Variants in TNNI3K observed in about 807,000 individuals in gnomAD.
TNNI3K encodes TNNI3 interacting kinase.
A neutral mutation model predicts 114.5 loss-of-function variants in TNNI3K; 140 were observed. The observed-to-expected ratio is 1.22, with a 90% CI of 1.07 to 1.41. The LOEUF (loss-of-function observed/expected upper bound fraction) is 1.41, where lower values mean the gene tolerates loss of function less well. Among genes scored for constraint, TNNI3K ranks in the 40% most tolerant of loss-of-function variants. The probability of loss-of-function intolerance (pLI) is 0.00; values close to 1 mark genes in which losing one functional copy is unlikely to be tolerated. For missense variants in TNNI3K, 1,125 were observed against 1,007.6 expected (o/e 1.12, Z -1.58); for synonymous variants, 347 against 347.5 (o/e 1.00, Z 0.02).
At chr1:74,475,578 T>C in intron 21 of TNNI3K, 2 of 717,424 alleles carry the variant, frequency 2.8e-6, no homozygotes, top group Non-Finnish European at 5.2e-6. Flanking sequence ...TATTTTCCTG[T>C]AAAAGTGGCA....
intron 6 of TNNI3K, among the ~76,000 whole-genome samples, chr1:74,333,465 T>C (rs1267461650): frequency 2.0e-5 from 3 of 152,184 alleles, no homozygotes; most frequent in Non-Finnish European, 4.4e-5. Flanking sequence ...ACGATTAACC[T>C]CATCACCCAG....
chr1:74,459,919 A>G (rs1667376993), intron 20 of TNNI3K, among the ~76,000 whole-genome samples: 1 of 152,188 alleles, frequency 6.6e-6, no homozygotes, highest in Non-Finnish European at 1.5e-5. Context: ...AGTGCAAGCT[A>G]TGCTCTAGAA....
Position 74,301,273 on chromosome 1 carries a change from G to T in TNNI3K, c.444+29565G>T, listed in dbSNP as rs183160309. Among the ~76,000 whole-genome samples, 67 of 152,030 alleles carry T rather than the reference G, an allele frequency of 4.4e-4. 1 individual carries two copies. Among genetic ancestry groups the T allele is most frequent in the African/African-American group, 1.5e-3 (63 of 41,468 alleles). ...AACTTAGCCAGGCGTGGTGGTGCAC[G>T]CCAATAGTCCCAGCTACTAGGGAGG... is the stretch of plus-strand genomic sequence containing the variant. On this transcript the variant is annotated intron_variant, in intron 5 of 24. Coordinates refer to ENST00000326637, the MANE Select transcript of TNNI3K (RefSeq NM_015978.3).
At chr1:74,371,366 G>A (rs1008725170) in intron 17 of TNNI3K, 1 of 151,766 alleles carries the variant, frequency 6.6e-6, no homozygotes, top group Admixed American at 6.6e-5. Flanking sequence ...CACACTCTAT[G>A]TAGAGGAGAA....
chr1:74,470,236 G>C (rs1185247582), intron 21 of TNNI3K: 8 of 400,546 alleles, frequency 2.0e-5, no homozygotes, highest in African/African-American at 1.4e-4. Context: ...GGCAGAGCTT[G>C]CATCATGTAA....
chr1:74,348,358 T>G lies in TNNI3K; in HGVS notation c.933-4908T>G, dbSNP rs577406293. ...CTCTGTTCTGTTCCATTGGTCTATA[T>G]CTCTGTTTTGGTAGCAGTACCATGC... is the stretch of plus-strand genomic sequence containing the variant. On this transcript the variant is annotated intron_variant, in intron 9 of 24. Coordinates refer to ENST00000326637, the MANE Select transcript of TNNI3K (RefSeq NM_015978.3). Among the ~76,000 whole-genome samples the G allele has an allele frequency of 1.4e-3, 211 of 152,302 alleles. 6 individuals carry two copies. The South Asian group carries it at 0.042, about 30-fold the overall frequency.
At chr1:74,535,458 G>A (rs1288207337) in intron 23 of TNNI3K, among the ~76,000 whole-genome samples, 3 of 151,914 alleles carry the variant, frequency 2.0e-5, no homozygotes, top group Non-Finnish European at 2.9e-5. Context: ...TGACTGAGAG[G>A]GACCGTGTCT....
chr1:74,373,594 A>G (rs1662724366), intron 17 of TNNI3K: 2 of 151,886 alleles, frequency 1.3e-5, no homozygotes, highest in South Asian at 4.1e-4. Context: ...TGTCTAATTA[A>G]TATTTTTTAA....
At chr1:74,424,863 C>G (rs1054865225) in intron 17 of TNNI3K, among the ~76,000 whole-genome samples, 1 of 151,804 alleles carries the variant, frequency 6.6e-6, no homozygotes, top group Non-Finnish European at 1.5e-5. Flanking sequence ...TTGTAGGGGA[C>G]AAATGATACA....
At chr1:74,480,776 G>T (rs760426750) in intron 21 of TNNI3K, 14 of 717,420 alleles carry the variant, frequency 2.0e-5, no homozygotes, top group Middle Eastern at 2.3e-4. Context: ...CGAAGAGCTG[G>T]ATATTTGGTT....
In TNNI3K at chr1:74,411,957, A is replaced by AT. The variant is rs201611273; in HGVS notation, c.1773-24123_1773-24122insT. On this transcript the variant is annotated intron_variant, in intron 17 of 24. Transcript: ENST00000326637. The stretch of plus-strand genomic sequence containing the variant: ...GTTATTAAGAAATATAAAATAAAAT[A>AT]GTTTACATATTGTTCAATACATAGT... Among the ~76,000 whole-genome samples the AT allele has an allele frequency of 8.6e-3, 1,305 of 152,290 alleles. 16 individuals are homozygous for AT. Among genetic ancestry groups the AT allele is most frequent in the African/African-American group, 0.03 (1,231 of 41,558 alleles).
intron 17 of TNNI3K, chr1:74,372,374 T>C (rs1662661681): frequency 6.6e-6 from 1 of 151,806 alleles, no homozygotes; most frequent in South Asian, 2.1e-4. Context: ...ATTTTTCTCT[T>C]CTCAGATAGA....
intron 5 of TNNI3K, among the ~76,000 whole-genome samples, chr1:74,281,534 A>G (rs1657016565): frequency 6.6e-6 from 1 of 152,156 alleles, no homozygotes; most frequent in Non-Finnish European, 1.5e-5. Flanking sequence ...TAACTTAGGG[A>G]AATTTAATGT....
At chr1:74,384,041 G>A (rs1044589056) in intron 17 of TNNI3K, among the ~76,000 whole-genome samples, 11 of 151,834 alleles carry the variant, frequency 7.2e-5, no homozygotes, top group African/African-American at 2.4e-4. Context: ...CCAAAATATA[G>A]GGATGTATAG....
chr1:74,502,183 T>G (rs1669667668), intron 23 of TNNI3K, among the ~76,000 whole-genome samples: 1 of 152,168 alleles, frequency 6.6e-6, no homozygotes, highest in African/African-American at 2.4e-5. Flanking sequence ...GAAAATCGTT[T>G]TCTTTTATAT....
chr1:74,259,381 T>G (rs970739947), intron 4 of TNNI3K, among the ~76,000 whole-genome samples: 2 of 152,130 alleles, frequency 1.3e-5, no homozygotes, highest in African/African-American at 4.8e-5. Context: ...TCAGCTGAAA[T>G]AAAAACAAAT....
At chr1:74,362,437 C>A (rs114879680) in intron 11 of TNNI3K, among the ~76,000 whole-genome samples, 3 of 152,022 alleles carry the variant, frequency 2.0e-5, no homozygotes, top group Non-Finnish European at 4.4e-5. Context: ...CTCTGAGTCA[C>A]CAAATCATGG....
chr1:74,496,410 T>C (rs1021399184), intron 23 of TNNI3K, among the ~76,000 whole-genome samples: 1 of 152,172 alleles, frequency 6.6e-6, no homozygotes, highest in Non-Finnish European at 1.5e-5. Flanking sequence ...TTTTTTAGTA[T>C]AGCATTATGA....
Position 74,367,966 on chromosome 1 carries a change from T to C in TNNI3K, c.1321+2T>C, listed in dbSNP as rs764867357. 6.4e-7 allele frequency: 1 copy of C among 1,560,570 alleles called. No individual in the cohort carries two copies. Among genetic ancestry groups the C allele is most frequent in the Non-Finnish European group, 8.6e-7 (1 of 1,159,370 alleles). On this transcript the variant is annotated splice_donor_variant, in intron 13 of 24. Coordinates refer to ENST00000326637, the MANE Select transcript of TNNI3K (RefSeq NM_015978.3). LOFTEE classifies it high-confidence loss of function. ...GGAAGATTAAAAGCATGACAAAAGG[T>C]ACCTATAATCTGGGACAATTGTTAT...
Sources: allele counts gnomAD v4.1 joint callset (sites outside exome capture counted in the v4.1 genomes callset), GRCh38; gene constraint gnomAD v4.1.1; transcripts MANE v1.5; gene names NCBI Gene and HGNC (gene_info 2026-07-23, HGNC 2026-07-21).